TPTE2: variants seen among roughly 807,000 people sequenced by gnomAD.
TPTE2 encodes phosphatidylinositol 3,4,5-trisphosphate 3-phosphatase TPTE2.
Under a neutral mutation model 78.6 loss-of-function variants are expected in TPTE2, and 53 were observed. The observed-to-expected ratio is 0.67, with a 90% CI of 0.54 to 0.85. The LOEUF (loss-of-function observed/expected upper bound fraction) is 0.85. Among genes scored for constraint, TPTE2 ranks in the 40% least tolerant of loss-of-function variants. The pLI, the probability that TPTE2 is intolerant of heterozygous loss-of-function variation, is 0.00. For synonymous variants in TPTE2, 175 were observed against 206.2 expected (o/e 0.85, Z 1.30); for missense variants, 461 against 623.0 (o/e 0.74, Z 2.77).
chr13:19,436,602 T>C (rs1046296801), intron 14 of TPTE2, among the ~76,000 whole-genome samples: 6 of 151,900 alleles, frequency 3.9e-5, no homozygotes, highest in Non-Finnish European at 4.4e-5. Context: ...TTAGTAGAGA[T>C]AGGGGTTTCA....
upstream of TPTE2, chr13:19,503,365 A>G (rs1868750302): frequency 7.3e-7 from 1 of 1,371,984 alleles, no homozygotes; most frequent in African/African-American, 1.4e-5. Context: ...TACTCTGCAC[A>G]TAAACCAGTT....
At chr13:19,549,325 T>C in the TPTE2 span, among the ~76,000 whole-genome samples, 1 of 151,952 alleles carries the variant, frequency 6.6e-6, no homozygotes, top group Non-Finnish European at 1.5e-5. Context: ...CAATCAACCC[T>C]ATTAAAAAAT....
chr13:19,554,932 A>T, the TPTE2 span, among the ~76,000 whole-genome samples: 1 of 152,198 alleles, frequency 6.6e-6, no homozygotes, highest in African/African-American at 2.4e-5. Context: ...TCACACCACT[A>T]AAATAACTTG....
intron 1 of TPTE2, among the ~76,000 whole-genome samples, chr13:19,530,710 A>G (rs1870815629): frequency 6.6e-6 from 1 of 152,026 alleles, no homozygotes; most frequent in South Asian, 2.1e-4. Context: ...TGTTTTTAAG[A>G]GATGGGGTCT....
chr13:19,493,119 C>T (rs1398489933), intron 2 of TPTE2, among the ~76,000 whole-genome samples: 1 of 151,526 alleles, frequency 6.6e-6, no homozygotes, highest in African/African-American at 2.4e-5. Flanking sequence ...TACAACTCCA[C>T]CAAAGAAGGA....
At chr13:19,539,122 T>C (rs1871366527), upstream of TPTE2, among the ~76,000 whole-genome samples, 1 of 152,220 alleles carries the variant, frequency 6.6e-6, no homozygotes, top group Admixed American at 6.5e-5. Flanking sequence ...GATTAATCCA[T>C]TGAGGGCAGA....
chr13:19,544,060 C>CAAAAAAAA, the TPTE2 span, among the ~76,000 whole-genome samples: 841 of 31,988 alleles, frequency 0.026, 207 homozygotes, highest in East Asian at 0.045. Context: ...GAACCTGTCT[C>CAAAAAAAA]AAAAAAAAAA....
intron 15 of TPTE2, among the ~76,000 whole-genome samples, chr13:19,434,557 C>T (rs544936405): frequency 4.6e-5 from 7 of 152,192 alleles, no homozygotes; most frequent in Non-Finnish European, 8.8e-5. Context: ...TCACCTATCA[C>T]TTTTAGCTTA....
chr13:19,522,594 CT>C (rs915436884), intron 1 of TPTE2, among the ~76,000 whole-genome samples: 1 of 140,878 alleles, frequency 7.1e-6, no homozygotes, highest in African/African-American at 2.6e-5. Context: ...TCTTTGTTTT[CT>C]TTTGTTTTCC....
At chr13:19,447,654 C>T (rs1038248856) in intron 13 of TPTE2, among the ~76,000 whole-genome samples, 1 of 151,842 alleles carries the variant, frequency 6.6e-6, no homozygotes, top group Admixed American at 6.6e-5. Flanking sequence ...GTTTACGGTG[C>T]TATGTTTTCC....
chr13:19,543,686 C>T, the TPTE2 span, among the ~76,000 whole-genome samples: 2 of 151,982 alleles, frequency 1.3e-5, no homozygotes, highest in African/African-American at 4.8e-5. Flanking sequence ...ATAATCGCAA[C>T]CATCAAGAAT....
chr13:19,551,532 G>A, the TPTE2 span, among the ~76,000 whole-genome samples: 3 of 152,084 alleles, frequency 2.0e-5, no homozygotes, highest in Non-Finnish European at 4.4e-5. Context: ...GTTGCAGTGA[G>A]CCGAGATCAT....
intron 13 of TPTE2, among the ~76,000 whole-genome samples, chr13:19,441,517 A>C (rs979849038): frequency 6.6e-6 from 1 of 152,244 alleles, no homozygotes. Flanking sequence ...TCAGAAATCT[A>C]TAATAATGCA....
intron 3 of TPTE2, among the ~76,000 whole-genome samples, chr13:19,489,500 C>T (rs1566061896): frequency 6.7e-6 from 1 of 149,896 alleles, no homozygotes; most frequent in East Asian, 2.0e-4. Flanking sequence ...TACACATGCT[C>T]ATATATATAT....
In TPTE2 at chr13:19,491,935, CA is replaced by C. The variant is rs373465961; in HGVS notation, c.119+914del. Among the ~76,000 whole-genome samples the C allele has an allele frequency of 1.9e-3, 282 of 152,226 alleles. 10 individuals are homozygous for C. In the South Asian group the frequency reaches 0.045, roughly 24 times the overall value. ...TTGGCTTAAAAATCAATGCTACATA[CA>C]AAACTCACATGCTATTGCTTAATGA... On this transcript the variant is annotated intron_variant, in intron 3 of 19. Coordinates refer to ENST00000400230, the Ensembl canonical transcript of TPTE2.
intron 6 of TPTE2, among the ~76,000 whole-genome samples, chr13:19,471,274 C>T (rs1174186285): frequency 2.6e-5 from 4 of 152,286 alleles, no homozygotes; most frequent in African/African-American, 9.6e-5. Context: ...TGCTGACACT[C>T]AGTGTTATCA....
chr13:19,427,898 CAGTT>C (rs1480069922), intron 17 of TPTE2, among the ~76,000 whole-genome samples: 1 of 152,218 alleles, frequency 6.6e-6, no homozygotes, highest in Non-Finnish European at 1.5e-5. Context: ...GGTGCAGACT[CAGTT>C]GGCCCCTTCA....
chr13:19,465,487 A>G (rs1423003939), exon 8 of TPTE2: 2 of 1,609,902 alleles, frequency 1.2e-6, no homozygotes, highest in Non-Finnish European at 1.7e-6. Context: ...CAGCTTTTCA[A>G]GTTGTCTTTT....
intron 19 of TPTE2, among the ~76,000 whole-genome samples, chr13:19,423,578 G>C (rs1875768785): frequency 6.6e-6 from 1 of 152,104 alleles, no homozygotes; most frequent in Admixed American, 6.5e-5. Context: ...TTGAGCAGTA[G>C]GCTATAACTC....
Sources: gnomAD v4.1 joint callset for allele counts (sites outside exome capture counted in the v4.1 genomes callset) on GRCh38, gnomAD v4.1.1 for gene constraint, MANE v1.5 for transcripts, NCBI Gene and HGNC (gene_info 2026-07-23, HGNC 2026-07-21) for gene names.